ZSWIM5: variants seen among roughly 807,000 people sequenced by gnomAD.
ZSWIM5 encodes zinc finger SWIM-type containing 5.
In ZSWIM5, 55 loss-of-function variants were observed where a neutral mutation model predicts 119.6. The ratio of observed to expected loss-of-function variants is 0.46; its 90% CI spans 0.37 to 0.58. The LOEUF is 0.58. Among genes scored for constraint, ZSWIM5 ranks in the 20% least tolerant of loss-of-function variants. The pLI, the probability that ZSWIM5 is intolerant of heterozygous loss-of-function variation, is 0.00. For missense variants in ZSWIM5, 1,193 were observed against 1,512.8 expected (o/e 0.79, Z 3.51); for synonymous variants, 537 against 606.9 (o/e 0.88, Z 1.69).
intron 1 of ZSWIM5, among the ~76,000 whole-genome samples, chr1:45,115,547 G>A (rs1557770594): frequency 6.7e-6 from 1 of 149,418 alleles, no homozygotes; most frequent in East Asian, 2.0e-4. Context: ...ACGGGGCGCG[G>A]GGCAGAGGCG....
chr1:45,139,131 CT>C (rs2149033532), intron 1 of ZSWIM5, among the ~76,000 whole-genome samples: 1 of 152,102 alleles, frequency 6.6e-6, no homozygotes, highest in Non-Finnish European at 1.5e-5. Context: ...GTCCGCCTGC[CT>C]CGGCCTCCCA....
intron 1 of ZSWIM5, among the ~76,000 whole-genome samples, chr1:45,117,126 T>C (rs1225170096): frequency 6.6e-6 from 1 of 152,160 alleles, no homozygotes; most frequent in African/African-American, 2.4e-5. Context: ...AAGGAATTTT[T>C]ATAAGCTTGA....
rs199682147 is a variant in ZSWIM5 at position 45,018,832 on chromosome 1, G to A, written c.3180C>T (p.Leu1060=). The A allele has an allele frequency of 4.5e-5, 73 of 1,614,098 alleles. No homozygotes were observed. Among genetic ancestry groups the A allele is most frequent in the Middle Eastern group, 3.3e-4 (2 of 6,080 alleles). Residue 1060 remains leucine (L), a synonymous_variant, in exon 14 of 14, where the codon CTC becomes CTT. Coordinates refer to ENST00000359600, the MANE Select transcript of ZSWIM5 (RefSeq NM_020883.2). This position sits in a 1 kb window ranked among gnomAD's most constrained non-coding sequence, Gnocchi z 6.7. ...GCACACTCTTCACCACCAGGGGGAT[G>A]AGAGCTGCCAGCTCATTCTTGCCCA... The part of the protein sequence containing the change: ...HSLGKNELAA[L]IPLVVKSVHC...
chr1:45,038,604 C>CTTTTTTTTTTTTT (rs55717021), intron 8 of ZSWIM5, among the ~76,000 whole-genome samples: 21,438 of 48,390 alleles, frequency 0.44, 8,398 homozygotes, highest in South Asian at 0.55. Flanking sequence ...CGAGGGCAGT[C>CTTTTTTTTTTTTT]TTTTTTTTTT....
intron 9 of ZSWIM5, 39 bp from the exon 10 acceptor site, chr1:45,035,862 C>G (rs960542243): frequency 6.2e-7 from 1 of 1,606,292 alleles, no homozygotes; most frequent in African/African-American, 1.3e-5. Context: ...TATCTGTATG[C>G]TTCCATCTGC....
intron 1 of ZSWIM5, among the ~76,000 whole-genome samples, chr1:45,110,529 C>T (rs1458892783): frequency 6.6e-6 from 1 of 152,118 alleles, no homozygotes; most frequent in East Asian, 1.9e-4. Context: ...AATACTCTTA[C>T]CTTCAAGGCA....
Position 45,088,386 on chromosome 1 carries a change from C to T in ZSWIM5, c.596-149G>A. The T allele has an allele frequency of 1.6e-6, 1 of 606,190 alleles. No individual in the cohort carries two copies. Among genetic ancestry groups the T allele is most frequent in the East Asian group, 2.8e-5 (1 of 35,602 alleles). 37.6% of individuals were successfully genotyped at this position (606,190 alleles called of 1,614,324 possible). A position where few individuals can be genotyped will look rare whatever the true frequency, so the allele number is the denominator to read the frequency against. ...TAGGCTTTGCCACAGACACAGAGGT[C>T]AATGAAATTCAGTTACTGCTCTGAA... On this transcript the variant is annotated intron_variant, in intron 1 of 13. Transcript: ENST00000359600. This position sits in a 1 kb window ranked among gnomAD's most constrained non-coding sequence, Gnocchi z 4.2.
chr1:45,154,673 G>C (rs1645816957), intron 1 of ZSWIM5, among the ~76,000 whole-genome samples: 1 of 152,134 alleles, frequency 6.6e-6, no homozygotes, highest in Non-Finnish European at 1.5e-5. Context: ...CCTGAGATCA[G>C]GAGTTCGAGA....
intron 1 of ZSWIM5, among the ~76,000 whole-genome samples, chr1:45,133,325 T>G (rs372042481): frequency 6.6e-6 from 1 of 152,084 alleles, no homozygotes; most frequent in East Asian, 1.9e-4. Flanking sequence ...GTGAGATGGT[T>G]TCTCATTGTG....
intron 11 of ZSWIM5, 115 bp from the exon 12 acceptor site, chr1:45,020,903 T>C (rs2148986177): frequency 8.0e-7 from 1 of 1,256,414 alleles, no homozygotes; most frequent in East Asian, 2.3e-5. Context: ...TGCTTCTGAA[T>C]GCTACCGCCC....
rs752110151 is a variant in ZSWIM5 at position 45,205,825 on chromosome 1, C to T, written c.526G>A (p.Glu176Lys). ...AGAGAAGCGG[E>K]GLPFRRGIRL... ...ATGCCCCGGCGGAACGGGAGCCCCT[C>T]GCCACCGCAGCCGGCCGCGCCGGCC... The change falls in exon 1 of 14, where the codon GAG becomes AAG. Residue 176 changes from glutamate to lysine, a missense_variant. Glu to Lys is a moderately conservative substitution (Grantham distance 56). Transcript: ENST00000359600. 2.6e-6 allele frequency: 4 copies of T among 1,516,596 alleles called. No individual in the cohort carries two copies. Among genetic ancestry groups the T allele is most frequent in the East Asian group, 5.4e-5 (2 of 36,800 alleles). 93.9% of individuals were successfully genotyped at this position (1,516,596 alleles called of 1,614,324 possible).
At position 45,043,263 on chromosome 1, in the gene ZSWIM5, C is replaced by A. The variant is rs1645027399; in HGVS notation, c.1565G>T (p.Ser522Ile). The A allele has an allele frequency of 1.9e-6, 3 of 1,614,006 alleles. No individual in the cohort carries two copies. Among genetic ancestry groups the A allele is most frequent in the Non-Finnish European group, 2.5e-6 (3 of 1,180,006 alleles). ...VYTAPACQRESERLLFNSQGQ... is the reference protein window; with the variant it reads ...VYTAPACQREIERLLFNSQGQ... ...TTGGGAATTAAAGAGTAGTCTTTCACTTTCCCGCTGGCAGGCAGGAGCTGT... is the reference window on the plus strand; with the variant it reads ...TTGGGAATTAAAGAGTAGTCTTTCAATTTCCCGCTGGCAGGCAGGAGCTGT... The change falls in exon 6 of 14, where the codon AGT becomes ATT. Residue 522 changes from serine to isoleucine, a missense_variant. Physicochemically the swap from Ser to Ile is moderately radical, Grantham distance 142. Transcript: ENST00000359600.
chr1:45,195,829 C>T (rs922370119), intron 1 of ZSWIM5, among the ~76,000 whole-genome samples: 2 of 150,510 alleles, frequency 1.3e-5, no homozygotes, highest in African/African-American at 4.9e-5. Context: ...ACAACAGGTT[C>T]AGAAACAATG....
At chr1:45,058,499 A>T (rs1180201933) in intron 4 of ZSWIM5, 110 bp downstream of exon 4, 34 of 1,397,948 alleles carry the variant, frequency 2.4e-5, no homozygotes, top group Non-Finnish European at 2.9e-5. Flanking sequence ...GTCTTCTACC[A>T]GCTGGACTTA....
At chr1:45,070,242 G>T in intron 2 of ZSWIM5, 3 of 1,467,784 alleles carry the variant, frequency 2.0e-6, no homozygotes, top group South Asian at 1.1e-5. Context: ...ATGTTCATCA[G>T]TCACAGAACC....
intron 9 of ZSWIM5, 78 bp from the exon 10 acceptor site, chr1:45,035,901 T>G (rs1012513021): frequency 6.3e-7 from 1 of 1,586,372 alleles, no homozygotes; most frequent in African/African-American, 1.4e-5. Context: ...CAGTATCTCA[T>G]GCATGTTTGC....
chr1:45,018,223 T>A lies in ZSWIM5; in HGVS notation c.*231A>T, dbSNP rs1442355849. ...AGGTGGCATGTTGTGGGGTTTCTGG[T>A]CGATCTGCAGGGCCCAGCTCCTCCA... On this transcript the variant is annotated 3_prime_UTR_variant, in exon 14 of 14. Transcript: ENST00000359600. The surrounding 1 kb of genome is among the most constrained non-coding windows in gnomAD (Gnocchi z 6.7). 3.4e-6 allele frequency: 2 copies of A among 583,982 alleles called. No individual in the cohort carries two copies. The highest frequency in any genetic ancestry group is 3.7e-5 in the African/African-American group (2 of 53,552). The allele number at this position is 583,982 out of a possible 1,614,324, so 36.2% of individuals were successfully genotyped here. A position where few individuals can be genotyped will look rare whatever the true frequency, so the allele number is the denominator to read the frequency against.
At chr1:45,099,282 T>C (rs1645423245) in intron 1 of ZSWIM5, among the ~76,000 whole-genome samples, 1 of 152,086 alleles carries the variant, frequency 6.6e-6, no homozygotes, top group Non-Finnish European at 1.5e-5. Context: ...TCTACAAAAA[T>C]AAACTAGAAA....
At chr1:45,183,425 C>A (rs1438313931) in intron 1 of ZSWIM5, among the ~76,000 whole-genome samples, 2 of 151,554 alleles carry the variant, frequency 1.3e-5, no homozygotes, top group African/African-American at 4.8e-5. Flanking sequence ...AAATAGAGAC[C>A]AAAAAAACCC....
Sources: gnomAD v4.1 joint callset for allele counts (sites outside exome capture counted in the v4.1 genomes callset) on GRCh38, gnomAD v4.1.1 for gene constraint, Gnocchi (gnomAD v3.1) non-coding constraint, MANE v1.5 for transcripts, NCBI Gene and HGNC (gene_info 2026-07-23, HGNC 2026-07-21) for gene names.